ZNF18: variants seen among roughly 807,000 people sequenced by gnomAD.
The protein encoded by ZNF18 is heart development-specific gene 1 protein.
ZNF18 carries 42 observed loss-of-function variants against 58.1 expected under a neutral mutation model. That is an observed-to-expected ratio of 0.72 (90% CI 0.56 to 0.93). The LOEUF is 0.93. Among genes scored for constraint, ZNF18 ranks in the 40% least tolerant of loss-of-function variants. The pLI is 0.00. For missense variants in ZNF18, 540 were observed against 644.2 expected (o/e 0.84, Z 1.75); for synonymous variants, 231 against 239.8 (o/e 0.96, Z 0.34).
intron 6 of ZNF18, among the ~76,000 whole-genome samples, chr17:11,982,466 A>T (rs1967422159): frequency 2.0e-5 from 3 of 152,186 alleles, no homozygotes; most frequent in African/African-American, 7.2e-5. Flanking sequence ...AATCCTTGTG[A>T]AATGGCCTGA....
At chr17:11,997,402 G>C (rs1321528376) in intron 1 of ZNF18, 29 bp downstream of exon 1, 1 of 152,216 alleles carries the variant, frequency 6.6e-6, no homozygotes, top group Non-Finnish European at 1.5e-5. Flanking sequence ...AGCGGCCGGA[G>C]GCCGGGACCG....
In ZNF18 at chr17:11,978,188, A is replaced by C; in HGVS notation, c.1419T>G (p.Phe473Leu). The C allele has an allele frequency of 6.2e-7, 1 of 1,614,066 alleles. No individual in the cohort carries two copies. The highest frequency in any genetic ancestry group is 8.5e-7 in the Non-Finnish European group (1 of 1,180,000). The change falls in exon 7 of 7, where the codon TTT (phenylalanine) becomes TTG (leucine). Residue 473 changes from phenylalanine (F) to leucine (L), a missense_variant. Physicochemically the swap from Phe to Leu is conservative, Grantham distance 22. Coordinates refer to ENST00000580306, the MANE Select transcript of ZNF18 (RefSeq NM_001303281.2). ...PCKCDYCGKGFSDFSGLRHHE... is the reference protein window; with the variant it reads ...PCKCDYCGKGLSDFSGLRHHE... ...GGTGGCGCAATCCTGAGAAGTCACT[A>C]AAGCCTTTCCCACAGTAATCACATT...
rs2151480063 is a variant in ZNF18 at position 11,988,776 on chromosome 17, T to C, written c.666+1686A>G. Among the ~76,000 whole-genome samples the C allele has an allele frequency of 1.3e-5, 2 of 149,610 alleles. 1 individual carries two copies. Among genetic ancestry groups the C allele is most frequent in the South Asian group, 4.1e-4 (2 of 4,828 alleles). ...CAAAGTTCAAGAACATTTATAGTAA[T>C]ACAAAAATATATAGCACCCCACCAA... On this transcript the variant is annotated intron_variant, in intron 4 of 6. Coordinates refer to ENST00000580306, the MANE Select transcript of ZNF18 (RefSeq NM_001303281.2).
intron 2 of ZNF18, among the ~76,000 whole-genome samples, chr17:11,991,624 G>A (rs1328643947): frequency 6.6e-6 from 1 of 152,084 alleles, no homozygotes; most frequent in Non-Finnish European, 1.5e-5. Context: ...TCCCATTCCC[G>A]CAGAGCTCCT....
chr17:11,989,532 T>C (rs1597969036), intron 4 of ZNF18, among the ~76,000 whole-genome samples: 1 of 152,150 alleles, frequency 6.6e-6, no homozygotes, highest in Non-Finnish European at 1.5e-5. Flanking sequence ...ACATGAAAGA[T>C]ACAATAAAGC....
the ZNF18 span, among the ~76,000 whole-genome samples, chr17:12,015,522 T>C: frequency 1.3e-5 from 2 of 152,246 alleles, no homozygotes; most frequent in East Asian, 3.8e-4. Context: ...GTGACATTTT[T>C]AGTTTTGTTA....
the ZNF18 span, chr17:12,021,057 T>G: frequency 9.2e-7 from 1 of 1,082,032 alleles, no homozygotes; most frequent in Non-Finnish European, 1.2e-6. Flanking sequence ...ACCCGCGTCG[T>G]CGCGGCCTGC....
At chr17:12,016,655 T>C in the ZNF18 span, among the ~76,000 whole-genome samples, 2 of 151,986 alleles carry the variant, frequency 1.3e-5, no homozygotes, top group Admixed American at 1.3e-4. Flanking sequence ...CCAGTGAAGT[T>C]AGAGCAACAG....
At position 11,978,359 on chromosome 17, in the gene ZNF18, G is replaced by T. The variant is rs1315612848; in HGVS notation, c.1248C>A (p.Thr416=). The change falls in exon 7 of 7, where the codon ACC becomes ACA. Residue 416 remains threonine, a synonymous_variant. Coordinates refer to ENST00000580306, the MANE Select transcript of ZNF18 (RefSeq NM_001303281.2). ...AAATAAGCTGAGAATTCCTATAAAA[G>T]GTCTTCCCACACTCCCTGCAGGTGG... ...KLPTCRECGK[T]FYRNSQLIFH... is the part of the protein sequence containing the mutation. The T allele has an allele frequency of 3.2e-6, 5 of 1,572,242 alleles. No homozygotes were observed. Among genetic ancestry groups the T allele is most frequent in the Non-Finnish European group, 4.3e-6 (5 of 1,162,268 alleles).
chr17:11,979,261 G>C (rs1967190495), intron 6 of ZNF18, among the ~76,000 whole-genome samples: 1 of 152,082 alleles, frequency 6.6e-6, no homozygotes, highest in Non-Finnish European at 1.5e-5. Flanking sequence ...TATGTATGCA[G>C]GTATATGCTA....
At chr17:11,990,367 T>C (rs892823807) in intron 4 of ZNF18, 95 bp downstream of exon 4, 19 of 1,065,464 alleles carry the variant, frequency 1.8e-5, no homozygotes, top group Admixed American at 1.5e-4. Flanking sequence ...GATCAGAGGT[T>C]TCCTCAGGAT....
chr17:12,019,294 ATG>A, the ZNF18 span, among the ~76,000 whole-genome samples: 4,764 of 145,354 alleles, frequency 0.033, 101 homozygotes, highest in East Asian at 0.1. Context: ...ATAATATTGG[ATG>A]TGTGTGTGTG....
chr17:12,016,411 C>A, the ZNF18 span, among the ~76,000 whole-genome samples: 1 of 152,096 alleles, frequency 6.6e-6, no homozygotes, highest in Non-Finnish European at 1.5e-5. Flanking sequence ...CTCACTGCAA[C>A]CTCCGCCTCC....
At position 11,990,835 on chromosome 17, in the gene ZNF18, C is replaced by T. The variant is rs1012156571; in HGVS notation, c.577+139G>A. On this transcript the variant is annotated intron_variant, in intron 3 of 6. Coordinates refer to ENST00000580306, the MANE Select transcript of ZNF18 (RefSeq NM_001303281.2). ...CAGACTTTGACTCTCCAAACAAGAGCGGTTTATTTAGGTCTAACCTGTTTG... is the reference window on the plus strand; with the variant it reads ...CAGACTTTGACTCTCCAAACAAGAGTGGTTTATTTAGGTCTAACCTGTTTG... 84 of 948,902 alleles carry T rather than the reference C, an allele frequency of 8.9e-5. No homozygotes were observed. In the East Asian group the frequency reaches 1.8e-3, roughly 20 times the overall value. 58.8% of individuals were successfully genotyped at this position (948,902 alleles called of 1,614,324 possible). A position where few individuals can be genotyped will look rare whatever the true frequency, so the allele number is the denominator to read the frequency against.
intron 3 of ZNF18, among the ~76,000 whole-genome samples, chr17:11,990,770 A>G (rs546289594): frequency 6.6e-6 from 1 of 152,280 alleles, no homozygotes; most frequent in African/African-American, 2.4e-5. Context: ...CAGAGCCAAA[A>G]TCCAAATGGT....
intron 5 of ZNF18, 87 bp downstream of exon 5, chr17:11,984,026 A>G (rs1967552752): frequency 1.6e-6 from 2 of 1,238,218 alleles, no homozygotes; most frequent in East Asian, 2.4e-5. Flanking sequence ...TTTTCAGTTC[A>G]GCAGATGTCT....
At chr17:11,981,675 G>C (rs1204044131) in intron 6 of ZNF18, among the ~76,000 whole-genome samples, 2 of 151,728 alleles carry the variant, frequency 1.3e-5, no homozygotes, top group East Asian at 3.9e-4. Flanking sequence ...TAGGAATATA[G>C]TGAGCTATAT....
At chr17:12,011,188 A>G in the ZNF18 span, 8 of 560,674 alleles carry the variant, frequency 1.4e-5, no homozygotes, top group South Asian at 1.2e-4. Flanking sequence ...GAGAACATAT[A>G]TCGGGTGCCT....
the ZNF18 span, among the ~76,000 whole-genome samples, chr17:12,006,932 T>A: frequency 8.5e-5 from 13 of 152,334 alleles, no homozygotes; most frequent in African/African-American, 2.9e-4. Context: ...TATTTTTACC[T>A]AAAAATTAAA....
Sources: allele counts gnomAD v4.1 joint callset (sites outside exome capture counted in the v4.1 genomes callset), GRCh38; gene constraint gnomAD v4.1.1; transcripts MANE v1.5; gene names NCBI Gene and HGNC (gene_info 2026-07-23, HGNC 2026-07-21).